The following PAX4 variants were observed in gnomAD, a reference collection of about 807,000 sequenced individuals.
PAX4 encodes paired box protein Pax-4.
A neutral mutation model predicts 40.6 loss-of-function variants in PAX4; 33 were observed. That is an observed-to-expected ratio of 0.81 (90% CI 0.62 to 1.09). The LOEUF is 1.09. Among genes scored for constraint, PAX4 ranks in the 50% least tolerant of loss-of-function variants. PAX4 has a pLI of 0.00. For missense variants in PAX4, 459 were observed against 442.5 expected (o/e 1.04, Z -0.33); for synonymous variants, 174 against 170.6 (o/e 1.02, Z -0.16).
chr7:127,615,696 C>A lies in PAX4; in HGVS notation c.14-165G>T, dbSNP rs1352354083. 3.9e-6 allele frequency: 6 copies of A among 1,520,822 alleles called. No individual in the cohort carries two copies. The East Asian group carries it at 1.5e-4, about 37-fold the overall frequency. The allele number at this position is 1,520,822 out of a possible 1,614,324, so 94.2% of individuals were successfully genotyped here. ...CCAGGCTGTCAACGCAAGCTGCTTT[C>A]TTTGAGAGCTGGCTCACGGGTGAGT... On this transcript the variant is annotated intron_variant, in intron 3 of 11. Coordinates refer to ENST00000639438, the MANE Select transcript of PAX4 (RefSeq NM_001366110.1).
Position 127,610,748 on chromosome 7 carries a change from T to C in PAX4, c.*316A>G, listed in dbSNP as rs1794608869. ...GGGCAAATTGTCTATAATTGTTGAA[T>C]ATTAGAGTGGGCATAGGGGTGCTCA... On this transcript the variant is annotated 3_prime_UTR_variant, in exon 12 of 12. Transcript: ENST00000639438. 3.8e-6 allele frequency: 3 copies of C among 787,460 alleles called. No homozygotes were observed. The highest frequency in any genetic ancestry group is 3.3e-5 in the South Asian group (2 of 60,558). 48.8% of individuals were successfully genotyped at this position (787,460 alleles called of 1,614,324 possible).
intron 11 of PAX4, 146 bp downstream of exon 11, chr7:127,611,389 G>T (rs906292267): frequency 2.0e-6 from 3 of 1,528,126 alleles, no homozygotes; most frequent in Non-Finnish European, 2.7e-6. Flanking sequence ...ACTAGTCTCC[G>T]TAATTTTGTG....
intron 5 of PAX4, 141 bp from the exon 6 acceptor site, chr7:127,614,698 A>G: frequency 4.6e-6 from 5 of 1,098,494 alleles, no homozygotes; most frequent in Non-Finnish European, 6.8e-6. Context: ...CTCTCTCTCT[A>G]TGCTTTCTCC....
Position 127,615,533 on chromosome 7 carries a change from T to G in PAX4, c.14-2A>C. The G allele has an allele frequency of 6.2e-7, 1 of 1,613,888 alleles. No individual in the cohort carries two copies. On this transcript the variant is annotated splice_acceptor_variant, in intron 3 of 11. Transcript: ENST00000639438. LOFTEE classifies it high-confidence loss of function. Reference sequence around the variant, plus strand: ...CAAGCTGGTTCATGCTGCTGATCCCTGGGCGTGAGACAGAGGTATCCACAC... The same window carrying G: ...CAAGCTGGTTCATGCTGCTGATCCCGGGGCGTGAGACAGAGGTATCCACAC...
chr7:127,616,933 T>G (rs1794731840), intron 2 of PAX4, among the ~76,000 whole-genome samples: 2 of 152,182 alleles, frequency 1.3e-5, no homozygotes, highest in Non-Finnish European at 2.9e-5. Flanking sequence ...TCATTAGTAA[T>G]CAATGGGAGT....
At chr7:127,613,694 G>C (rs1794675017) in intron 7 of PAX4, 62 bp downstream of exon 7, 1 of 1,611,742 alleles carries the variant, frequency 6.2e-7, no homozygotes, top group African/African-American at 1.3e-5. Flanking sequence ...ACAGGCCTCA[G>C]GGCCACTGTC....
Position 127,617,955 on chromosome 7 carries a change from G to A in PAX4, c.-226+7C>T, listed in dbSNP as rs1794743901. 1 of 152,210 alleles carries A rather than the reference G, an allele frequency of 6.6e-6. No individual in the cohort carries two copies. Among genetic ancestry groups the A allele is most frequent in the Non-Finnish European group, 1.5e-5 (1 of 68,100 alleles). The allele number at this position is 152,210 out of a possible 1,614,324, so 9.4% of individuals were successfully genotyped here. ...CAGGGCAGACAATGAGCCTGCAGGT[G>A]AGCTACCTGTGTGGAGGAAATGAGG... On this transcript the variant is annotated splice_region_variant and intron_variant, in intron 1 of 11. Transcript: ENST00000639438.
chr7:127,611,466 C>A, intron 11 of PAX4, 69 bp downstream of exon 11: 2 of 1,608,824 alleles, frequency 1.2e-6, no homozygotes, highest in Non-Finnish European at 1.7e-6. Context: ...AGATCCATGC[C>A]CTCCTGGAGG....
At position 127,613,029 on chromosome 7, in the gene PAX4, C is replaced by T. The variant is rs1562960062; in HGVS notation, c.708G>A (p.Gln236=). The change falls in exon 9 of 12, where the codon CAG becomes CAA. Residue 236 remains glutamine, a synonymous_variant. Coordinates refer to ENST00000639438, the MANE Select transcript of PAX4 (RefSeq NM_001366110.1). ...RRQEKLKWEM[Q]LPGASQGLTV... is the part of the protein sequence containing the mutation. ...ATGGTGCAGAGAAATCACCTGGCAG[C>T]TGCATTTCCCACTTGAGCTTCTCTT... 6.2e-7 allele frequency: 1 copy of T among 1,612,584 alleles called. No homozygotes were observed. The highest frequency in any genetic ancestry group is 8.5e-7 in the Non-Finnish European group (1 of 1,179,662).
At chr7:127,611,838 ACT>A in intron 10 of PAX4, 105 bp downstream of exon 10, 1 of 1,595,584 alleles carries the variant, frequency 6.3e-7, no homozygotes, top group Non-Finnish European at 8.5e-7. Flanking sequence ...TGACATGAAC[ACT>A]GTGGGGCCCT....
In PAX4 at chr7:127,611,188, G is replaced by T. The variant is rs142426878; in HGVS notation, c.932C>A (p.Pro311Gln). The change falls in exon 12 of 12, where the codon CCG becomes CAG. Residue 311 changes from proline (P) to glutamine (Q), a missense_variant. Pro to Gln is a moderately conservative substitution (Grantham distance 76). Coordinates refer to ENST00000639438, the MANE Select transcript of PAX4 (RefSeq NM_001366110.1). ...KPCWGHLPPQ[P>Q]NSLDSGLLCL... ...AAGCAGTCCTGAGTCCAGGGAATTC[G>T]GCTGTGGGGGCAAGTGGCCTGTGGG... 4 of 1,601,680 alleles carry T rather than the reference G, an allele frequency of 2.5e-6. No homozygotes were observed. Among genetic ancestry groups the T allele is most frequent in the African/African-American group, 2.7e-5 (2 of 74,896 alleles).
At chr7:127,613,309 G>A in intron 8 of PAX4, 141 bp downstream of exon 8, 1 of 889,316 alleles carries the variant, frequency 1.1e-6, no homozygotes, top group South Asian at 1.3e-5. Context: ...TGAACAAGGA[G>A]GATCTCATCT....
chr7:127,615,357 C>T, intron 4 of PAX4, 44 bp downstream of exon 4: 2 of 1,613,982 alleles, frequency 1.2e-6, no homozygotes, highest in Non-Finnish European at 1.7e-6. Context: ...CCCTTTCTCC[C>T]TGCTTCCTGT....
In PAX4 at chr7:127,614,447, C is replaced by T. The variant is rs2233579; in HGVS notation, c.436+35G>A. On this transcript the variant is annotated intron_variant, in intron 6 of 11. Coordinates refer to ENST00000639438, the MANE Select transcript of PAX4 (RefSeq NM_001366110.1). ...GAACTATAAAATGCTAGAGATTTGGCTGTGATTAGCCCTGGGGACAACTCC... is the reference window on the plus strand; with the variant it reads ...GAACTATAAAATGCTAGAGATTTGGTTGTGATTAGCCCTGGGGACAACTCC... 24,483 of 1,504,962 alleles carry T rather than the reference C, an allele frequency of 0.016. 265 individuals carry two copies. Among genetic ancestry groups the T allele is most frequent in the South Asian group, 0.029 (2,447 of 83,966 alleles). 93.2% of individuals were successfully genotyped at this position (1,504,962 alleles called of 1,614,324 possible).
At position 127,611,762 on chromosome 7, in the gene PAX4, C is replaced by G. The variant is rs998792136; in HGVS notation, c.772-86G>C. On this transcript the variant is annotated intron_variant, in intron 10 of 11. Transcript: ENST00000639438. ...CGGGACCCCAGAGCTGCCTGCCACC[C>G]AAGTAGTATCCTGCACAACTCCAGA... The G allele has an allele frequency of 4.4e-6, 7 of 1,601,892 alleles. No individual in the cohort carries two copies. In the African/African-American group the frequency reaches 6.7e-5, roughly 15 times the overall value.
chr7:127,614,995 G>A lies in PAX4; in HGVS notation c.245C>T (p.Pro82Leu). 6.2e-7 allele frequency: 1 copy of A among 1,614,162 alleles called. No homozygotes were observed. The highest frequency in any genetic ancestry group is 8.5e-7 in the Non-Finnish European group (1 of 1,180,032). Residue 82 changes from proline to leucine, a missense_variant, in exon 5 of 12, where the codon CCC becomes CTC. Pro to Leu is a moderately conservative substitution (Grantham distance 98). Coordinates refer to ENST00000639438, the MANE Select transcript of PAX4 (RefSeq NM_001366110.1). ...CTGGGCAATTCGAGCCACCACAGGG[G>A]GTGTAGCCAGCCGTGGCTTGCTTCC... Reference protein sequence around the residue: ...IGGSKPRLATPPVVARIAQLK... With the variant: ...IGGSKPRLATLPVVARIAQLK...
chr7:127,616,005 C>T lies in PAX4; in HGVS notation c.-77G>A. ...GAAGGGAAGTTCCTTCTAGGAGCTC[C>T]TTTTCCAGCTTGGGGGCTGGCTCTG... On this transcript the variant is annotated 5_prime_UTR_variant, in exon 3 of 12. Coordinates refer to ENST00000639438, the MANE Select transcript of PAX4 (RefSeq NM_001366110.1). 3 of 1,506,282 alleles carry T rather than the reference C, an allele frequency of 2.0e-6. No homozygotes were observed. Among genetic ancestry groups the T allele is most frequent in the Middle Eastern group, 3.4e-4 (2 of 5,904 alleles). 93.3% of individuals were successfully genotyped at this position (1,506,282 alleles called of 1,614,324 possible). A position where few individuals can be genotyped will look rare whatever the true frequency, so the allele number is the denominator to read the frequency against.
Position 127,610,934 on chromosome 7 carries a change from G to A in PAX4, c.*130C>T, listed in dbSNP as rs977949856. ...CAGAGAGGCATCGAGGCAGGGCCAG[G>A]CAACGTCCACACAGGAGGGAGCAAT... On this transcript the variant is annotated 3_prime_UTR_variant, in exon 12 of 12. Transcript: ENST00000639438. The A allele has an allele frequency of 6.5e-6, 10 of 1,548,880 alleles. No individual in the cohort carries two copies. The highest frequency in any genetic ancestry group is 8.7e-6 in the Non-Finnish European group (10 of 1,147,022).
rs1332923175 is a variant in PAX4, at chr7:127,614,473, A to G, written c.436+9T>C. On this transcript the variant is annotated intron_variant, in intron 6 of 11. Transcript: ENST00000639438. ...TGTGATTAGCCCTGGGGACAACTCCAAGACCCACCTGGTGACCTGAGCCGT... is the reference window on the plus strand; with the variant it reads ...TGTGATTAGCCCTGGGGACAACTCCGAGACCCACCTGGTGACCTGAGCCGT... The G allele has an allele frequency of 1.6e-5, 26 of 1,587,932 alleles. No individual in the cohort carries two copies. Among genetic ancestry groups the G allele is most frequent in the Non-Finnish European group, 2.1e-5 (25 of 1,165,898 alleles).
Sources: allele counts gnomAD v4.1 joint callset (sites outside exome capture counted in the v4.1 genomes callset), GRCh38; gene constraint gnomAD v4.1.1; transcripts MANE v1.5; gene names NCBI Gene and HGNC (gene_info 2026-07-23, HGNC 2026-07-21).